The following MSRB3 variants were observed in gnomAD, a reference collection of about 807,000 sequenced individuals.
The protein encoded by MSRB3 is methionine-R-sulfoxide reductase B3.
Under a neutral mutation model 21.0 loss-of-function variants are expected in MSRB3, and 13 were observed. The ratio of observed to expected loss-of-function variants is 0.62; its 90% confidence interval spans 0.40 to 0.98. The LOEUF (loss-of-function observed/expected upper bound fraction) is 0.98. Among genes scored for constraint, MSRB3 ranks in the 50% least tolerant of loss-of-function variants. The pLI, the probability that MSRB3 is intolerant of heterozygous loss-of-function variation, is 0.00. For synonymous variants in MSRB3, 87 were observed against 88.6 expected, an observed-to-expected ratio of 0.98 and a Z score of 0.10; for missense variants, 199 against 230.3, an observed-to-expected ratio of 0.86 and a Z score of 0.88.
At chr12:65,419,527 C>A in intron 5 of MSRB3, 1 of 741,894 alleles carries the variant, frequency 1.3e-6, no homozygotes. Flanking sequence ...ATACTTGACT[C>A]TAAAGGCATC....
At chr12:65,450,028 T>C (rs988314852) in intron 5 of MSRB3, among the ~76,000 whole-genome samples, 1 of 152,182 alleles carries the variant, frequency 6.6e-6, no homozygotes, top group African/African-American at 2.4e-5. Flanking sequence ...AGCTATGCCA[T>C]TATTCAATTA....
chr12:65,355,820 T>G (rs1170249522), intron 4 of MSRB3, among the ~76,000 whole-genome samples: 1 of 151,908 alleles, frequency 6.6e-6, no homozygotes, highest in Non-Finnish European at 1.5e-5. Flanking sequence ...CAGCACTGAC[T>G]GACCAAATAT....
At chr12:65,350,237 T>A (rs2136492364) in intron 4 of MSRB3, among the ~76,000 whole-genome samples, 1 of 151,786 alleles carries the variant, frequency 6.6e-6, no homozygotes, top group South Asian at 2.1e-4. Flanking sequence ...CGGCGTTATT[T>A]CTGAGGGCTC....
At chr12:65,404,052 T>C (rs924359774) in intron 5 of MSRB3, among the ~76,000 whole-genome samples, 2 of 152,206 alleles carry the variant, frequency 1.3e-5, no homozygotes, top group South Asian at 2.1e-4. Context: ...TCCTATTTGA[T>C]CATCTTGCCA....
chr12:65,343,138 C>A (rs1384751952), intron 4 of MSRB3, among the ~76,000 whole-genome samples: 1 of 152,074 alleles, frequency 6.6e-6, no homozygotes, highest in African/African-American at 2.4e-5. Context: ...CAAAATTTAT[C>A]TTTTCCCAAT....
intron 5 of MSRB3, among the ~76,000 whole-genome samples, chr12:65,401,288 G>T (rs941892181): frequency 6.6e-6 from 1 of 152,110 alleles, no homozygotes. Context: ...ATGAATCTGG[G>T]TGCTCCTGTA....
At chr12:65,349,777 T>G (rs1447893807) in intron 4 of MSRB3, among the ~76,000 whole-genome samples, 2 of 151,484 alleles carry the variant, frequency 1.3e-5, no homozygotes, top group African/African-American at 4.9e-5. Flanking sequence ...TCTTGTAAAT[T>G]TGTTTGAGTT....
In MSRB3 at chr12:65,465,017, T is replaced by C. The variant is rs970919792; in HGVS notation, c.*1695T>C. 1 of 152,224 alleles carries C rather than the reference T, an allele frequency of 6.6e-6. No homozygotes were observed. Among genetic ancestry groups the C allele is most frequent in the African/African-American group, 2.4e-5 (1 of 41,456 alleles). 9.4% of individuals were successfully genotyped at this position (152,224 alleles called of 1,614,324 possible). Reference sequence around the variant, plus strand: ...ACAGTTGAGATCAGTGTTGTAAAATTAAACTGATCTGGTTCTAATTGCCTC... The same window carrying C: ...ACAGTTGAGATCAGTGTTGTAAAATCAAACTGATCTGGTTCTAATTGCCTC... On this transcript the variant is annotated 3_prime_UTR_variant, in exon 7 of 7. Transcript: ENST00000308259.
intron 5 of MSRB3, among the ~76,000 whole-genome samples, chr12:65,402,905 C>A (rs569608665): frequency 6.6e-6 from 1 of 152,214 alleles, no homozygotes; most frequent in South Asian, 2.1e-4. Flanking sequence ...CCACTCCAGA[C>A]CCTGTTTGCT....
intron 4 of MSRB3, among the ~76,000 whole-genome samples, chr12:65,357,788 T>G (rs1001748238): frequency 5.3e-5 from 8 of 151,978 alleles, no homozygotes; most frequent in Admixed American, 1.3e-4. Context: ...GGGTTATGGT[T>G]TTTTTGGAGG....
At chr12:65,341,305 G>A (rs982254150) in intron 4 of MSRB3, among the ~76,000 whole-genome samples, 9 of 152,032 alleles carry the variant, frequency 5.9e-5, no homozygotes, top group Admixed American at 5.9e-4. Flanking sequence ...GCCAGACACA[G>A]AAAGACAAAC....
At chr12:65,300,423 T>G (rs1390725211) in intron 1 of MSRB3, among the ~76,000 whole-genome samples, 3 of 152,178 alleles carry the variant, frequency 2.0e-5, no homozygotes, top group Admixed American at 6.5e-5. Flanking sequence ...AACTATAGAC[T>G]TTTGGAAGTG....
rs552742461 is a variant in MSRB3 at position 65,406,011 on chromosome 12, G to A, written c.292+36985G>A. ...ATAAAATTTGTAAATATTTTCTCTTGTTCTATAGGTTGTCTCTTCACTCTG... is the reference window on the plus strand; with the variant it reads ...ATAAAATTTGTAAATATTTTCTCTTATTCTATAGGTTGTCTCTTCACTCTG... On this transcript the variant is annotated intron_variant, in intron 5 of 6. Coordinates refer to ENST00000308259, the MANE Select transcript of MSRB3 (RefSeq NM_001031679.3). Among the ~76,000 whole-genome samples, 6 of 151,754 alleles carry A rather than the reference G, an allele frequency of 4.0e-5. No homozygotes were observed. In the South Asian group the frequency reaches 1.3e-3, roughly 32 times the overall value.
At chr12:65,357,957 T>C (rs1877485262) in intron 4 of MSRB3, among the ~76,000 whole-genome samples, 1 of 151,986 alleles carries the variant, frequency 6.6e-6, no homozygotes, top group African/African-American at 2.4e-5. Flanking sequence ...CTTTTCCTAG[T>C]GTATTCTTAG....
intron 5 of MSRB3, among the ~76,000 whole-genome samples, chr12:65,431,880 A>T (rs572004760): frequency 6.6e-6 from 1 of 152,112 alleles, no homozygotes; most frequent in African/African-American, 2.4e-5. Context: ...CTAAGTCTGG[A>T]TGTGCTATTT....
intron 2 of MSRB3, among the ~76,000 whole-genome samples, chr12:65,319,283 A>G (rs529084102): frequency 4.4e-4 from 67 of 152,060 alleles, no homozygotes; most frequent in Non-Finnish European, 7.4e-4. Flanking sequence ...TCTTACATGA[A>G]AGACTGCATA....
chr12:65,418,669 C>A, intron 5 of MSRB3: 1 of 646,184 alleles, frequency 1.5e-6, no homozygotes. Flanking sequence ...TTTTTAACCT[C>A]TGAACTTTTT....
At chr12:65,315,650 A>G (rs1874246008) in intron 2 of MSRB3, among the ~76,000 whole-genome samples, 1 of 142,354 alleles carries the variant, frequency 7.0e-6, no homozygotes, top group Non-Finnish European at 1.5e-5. Context: ...CCTGGGCTAC[A>G]GGGTGAGACT....
chr12:65,352,619 C>T (rs1272564388), intron 4 of MSRB3, among the ~76,000 whole-genome samples: 1 of 151,820 alleles, frequency 6.6e-6, no homozygotes, highest in Admixed American at 6.6e-5. Context: ...AGCAAAGTCT[C>T]AGGATACAAA....
Sources: gnomAD v4.1 joint callset for allele counts (sites outside exome capture counted in the v4.1 genomes callset) on GRCh38, gnomAD v4.1.1 for gene constraint, MANE v1.5 for transcripts, NCBI Gene and HGNC (gene_info 2026-07-23, HGNC 2026-07-21) for gene names.